ENSA: variants seen among roughly 807,000 people sequenced by gnomAD.
The protein encoded by ENSA is alpha-endosulfine.
ENSA carries 7 observed loss-of-function variants against 16.8 expected under a neutral mutation model. The ratio of observed to expected loss-of-function variants is 0.42; its 90% CI spans 0.24 to 0.78. The LOEUF is 0.78. Among genes scored for constraint, ENSA ranks in the 30% least tolerant of loss-of-function variants. ENSA has a pLI of 0.29. For synonymous variants in ENSA, 58 were observed against 53.4 expected, an observed-to-expected ratio of 1.09 and a Z score of -0.37; for missense variants, 87 against 142.3, an observed-to-expected ratio of 0.61 and a Z score of 1.98.
chr1:150,627,804 C>A (rs1649456076), intron 1 of ENSA, among the ~76,000 whole-genome samples: 1 of 152,178 alleles, frequency 6.6e-6, no homozygotes, highest in Non-Finnish European at 1.5e-5. Context: ...TCTCACACTT[C>A]ACCCAAGGAA....
intron 1 of ENSA, 186 bp downstream of exon 1, chr1:150,629,228 T>A: frequency 6.4e-7 from 1 of 1,552,944 alleles, no homozygotes; most frequent in Non-Finnish European, 8.8e-7. Flanking sequence ...CAGTACTGAG[T>A]GACAAACGAC....
intron 3 of ENSA, 74 bp downstream of exon 3, chr1:150,625,567 GC>G (rs1386209538): frequency 2.0e-6 from 3 of 1,480,150 alleles, no homozygotes; most frequent in Non-Finnish European, 2.7e-6. Context: ...CTGACTAGGT[GC>G]CCATTTCATC....
Position 150,629,116 on chromosome 1 carries a change from T to C in ENSA, c.57+298A>G, listed in dbSNP as rs756396397. 3.1e-6 allele frequency: 5 copies of C among 1,613,958 alleles called. No individual in the cohort carries two copies. The South Asian group carries it at 4.4e-5, about 14-fold the overall frequency. On this transcript the variant is annotated intron_variant, in intron 1 of 3. Transcript: ENST00000369014. ...AAGACCACCAGCCATCCCCTTTCCA[T>C]TCACCGTCTTTCCAACCACCCGCCC...
At chr1:150,628,965 TC>T in intron 1 of ENSA, 2 of 1,314,848 alleles carry the variant, frequency 1.5e-6, no homozygotes, top group Non-Finnish European at 1.1e-6. Context: ...ACTTCTCCCC[TC>T]CCCCAATACT....
intron 1 of ENSA, among the ~76,000 whole-genome samples, chr1:150,627,989 G>A (rs1163989602): frequency 6.6e-6 from 1 of 151,958 alleles, no homozygotes; most frequent in Non-Finnish European, 1.5e-5. Context: ...CATGTCACAT[G>A]AGAAATTAAA....
rs749688538 is a variant in ENSA, at chr1:150,626,440, C to A, written c.184-632G>T. On this transcript the variant is annotated intron_variant, in intron 2 of 3. Coordinates refer to ENST00000369014, the MANE Select transcript of ENSA (RefSeq NM_004436.4). ...ATCACATTATCATCTGTGACTAAGA[C>A]TCAATAACTGGGATCCTCCACAGGG... 9 of 1,593,168 alleles carry A rather than the reference C, an allele frequency of 5.6e-6. No individual in the cohort carries two copies. In the Admixed American group the frequency reaches 1.5e-4, roughly 27 times the overall value.
chr1:150,629,002 C>T (rs1253947503), intron 1 of ENSA: 3 of 1,567,202 alleles, frequency 1.9e-6, no homozygotes, highest in Non-Finnish European at 2.6e-6. Context: ...GTCTTTACCT[C>T]GACCCCTATC....
chr1:150,626,998 G>T, intron 2 of ENSA: 1 of 1,044,996 alleles, frequency 9.6e-7, no homozygotes, highest in Non-Finnish European at 1.2e-6. Context: ...TTTGCTGCAG[G>T]AGTATAATTA....
chr1:150,629,267 C>A, intron 1 of ENSA, 147 bp downstream of exon 1: 2 of 1,500,886 alleles, frequency 1.3e-6, no homozygotes, highest in Non-Finnish European at 9.1e-7. Flanking sequence ...AGCAGCATGT[C>A]GTGTTGAAGC....
chr1:150,624,748 T>C, intron 3 of ENSA: 1 of 985,488 alleles, frequency 1.0e-6, no homozygotes, highest in Non-Finnish European at 1.2e-6. Flanking sequence ...TTCCTCACTT[T>C]TAGTTTTACA....
At chr1:150,629,253 C>T (rs1649570856) in intron 1 of ENSA, 161 bp downstream of exon 1, 8 of 1,516,328 alleles carry the variant, frequency 5.3e-6, no homozygotes, top group Admixed American at 1.9e-5. Context: ...CTAACCAGCG[C>T]CAAAGCAGCA....
intron 3 of ENSA, chr1:150,623,688 T>C (rs1185943643): frequency 2.0e-5 from 20 of 985,432 alleles, no homozygotes; most frequent in Non-Finnish European, 2.3e-5. Context: ...GCTGGGACAG[T>C]TGAAGAAACT....
chr1:150,629,503 C>T lies in ENSA; in HGVS notation c.-33G>A. The T allele has an allele frequency of 6.2e-7, 1 of 1,602,210 alleles. No individual in the cohort carries two copies. On this transcript the variant is annotated 5_prime_UTR_variant, in exon 1 of 4. Coordinates refer to ENST00000369014, the MANE Select transcript of ENSA (RefSeq NM_004436.4). Reference sequence around the variant, plus strand: ...CCGGGACTGTGGAGTGTAAGGGGCCCGGGAAGGCAACCGGAGAAGGGAAGG... The same window carrying T: ...CCGGGACTGTGGAGTGTAAGGGGCCTGGGAAGGCAACCGGAGAAGGGAAGG...
intron 2 of ENSA, 33 bp downstream of exon 2, chr1:150,627,434 C>T (rs1474605856): frequency 6.2e-7 from 1 of 1,614,220 alleles, no homozygotes; most frequent in East Asian, 2.2e-5. Flanking sequence ...CCTTTAGCTC[C>T]AAAGAAAGAG....
At chr1:150,626,157 G>A (rs587633139) in intron 2 of ENSA, among the ~76,000 whole-genome samples, 1 of 152,266 alleles carries the variant, frequency 6.6e-6, no homozygotes, top group Non-Finnish European at 1.5e-5. Context: ...TGGGTACAGG[G>A]CAATAGCCTG....
intron 3 of ENSA, 166 bp downstream of exon 3, chr1:150,625,476 G>A (rs1649236187): frequency 1.4e-5 from 19 of 1,333,818 alleles, no homozygotes; most frequent in Non-Finnish European, 1.7e-5. Flanking sequence ...AATAAACTTA[G>A]AGCCCCTTTT....
chr1:150,626,099 T>A (rs1385964131), intron 2 of ENSA, among the ~76,000 whole-genome samples: 1 of 152,190 alleles, frequency 6.6e-6, no homozygotes, highest in Non-Finnish European at 1.5e-5. Context: ...CAGTAGAGGA[T>A]CGTTCCACCA....
At position 150,625,680 on chromosome 1, in the gene ENSA, G is replaced by A. The variant is rs1464980434; in HGVS notation, c.312C>T (p.Pro104=). The A allele has an allele frequency of 7.4e-6, 12 of 1,611,404 alleles. No individual in the cohort carries two copies. The highest frequency in any genetic ancestry group is 8.5e-6 in the Non-Finnish European group (10 of 1,178,830). Residue 104 remains proline (P), a synonymous_variant, in exon 3 of 4, where the codon CCC becomes CCT. Coordinates refer to ENST00000369014, the MANE Select transcript of ENSA (RefSeq NM_004436.4). ...TGGTGACGAGCGAGGACTTTCTCTG[G>A]GGCAGATCCTGTGGGGTGGGGATGT... ...GDHIPTPQDL[P]QRKSSLVTSK...
intron 2 of ENSA, chr1:150,626,975 CAAGA>C (rs1005643213): frequency 2.1e-6 from 2 of 957,046 alleles, no homozygotes; most frequent in Admixed American, 5.1e-5. Context: ...CCACTCTGAA[CAAGA>C]AAAATACATT....
Sources: allele counts gnomAD v4.1 joint callset (sites outside exome capture counted in the v4.1 genomes callset), GRCh38; gene constraint gnomAD v4.1.1; transcripts MANE v1.5; gene names NCBI Gene and HGNC (gene_info 2026-07-23, HGNC 2026-07-21).